The following MIGA1 variants were observed in gnomAD, a reference collection of about 807,000 sequenced individuals.
The protein encoded by MIGA1 is family with sequence similarity 73, member A.
MIGA1 carries 58 observed loss-of-function variants against 82.0 expected under a neutral mutation model. The observed-to-expected ratio is 0.71, with a 90% CI of 0.57 to 0.88. MIGA1 has a LOEUF of 0.88. Ranked by LOEUF, MIGA1 falls within the 40% of genes least tolerant of loss-of-function variation. The pLI, the probability that MIGA1 is intolerant of heterozygous loss-of-function variation, is 0.00. For missense variants in MIGA1, 751 were observed against 749.1 expected (o/e 1.00, Z -0.03); for synonymous variants, 249 against 253.6 (o/e 0.98, Z 0.17).
At chr1:77,789,432 A>G (rs1170182482) in intron 2 of MIGA1, among the ~76,000 whole-genome samples, 1 of 150,218 alleles carries the variant, frequency 6.7e-6, no homozygotes, top group Non-Finnish European at 1.5e-5. Flanking sequence ...CTGGTCTCAA[A>G]CTCCTGGATT....
intron 7 of MIGA1, among the ~76,000 whole-genome samples, chr1:77,831,515 A>C (rs1684243794): frequency 6.6e-6 from 1 of 151,914 alleles, no homozygotes; most frequent in Non-Finnish European, 1.5e-5. Context: ...TTTTGGTAAA[A>C]ATTAGGCTTC....
At chr1:77,846,266 A>G (rs1684836129) in intron 8 of MIGA1, among the ~76,000 whole-genome samples, 1 of 152,148 alleles carries the variant, frequency 6.6e-6, no homozygotes, top group Non-Finnish European at 1.5e-5. Context: ...TTCACTTAGC[A>G]TAATGTTTTC....
intron 8 of MIGA1, chr1:77,853,307 A>G (rs1451182537): frequency 6.6e-6 from 1 of 152,572 alleles, no homozygotes; most frequent in Non-Finnish European, 1.5e-5. Flanking sequence ...TTTAATAAAA[A>G]AATGTTTTGG....
intron 7 of MIGA1, among the ~76,000 whole-genome samples, chr1:77,817,626 A>G (rs1683621784): frequency 6.6e-6 from 1 of 152,208 alleles, no homozygotes; most frequent in African/African-American, 2.4e-5. Context: ...CTTCTGGATC[A>G]AAAGAGCTGA....
At position 77,860,092 on chromosome 1, in the gene MIGA1, A is replaced by C. The variant is rs781366971; in HGVS notation, c.1241A>C (p.Lys414Thr). ...ATATTCCTCGCTGAGAGCGGAAGGA[A>C]AATTTTATCAGCTTTAATTGTGAAA... The change falls in exon 11 of 16, where the codon AAA becomes ACA. Residue 414 changes from lysine (K) to threonine (T), a missense_variant. Physicochemically the swap from Lys to Thr is moderately conservative, Grantham distance 78 (BLOSUM62 -1). This residue lies in a region of MIGA1 where 265 missense variants were observed against 293.6 expected (regional missense o/e 0.90). Coordinates refer to ENST00000370791, the MANE Select transcript of MIGA1 (RefSeq NM_198549.4). The C allele has an allele frequency of 1.2e-6, 2 of 1,611,952 alleles. No individual in the cohort carries two copies. The highest frequency in any genetic ancestry group is 2.7e-5 in the African/African-American group (2 of 74,990).
At chr1:77,874,232 ACAGTGAGTTT>A (rs1313819424) in intron 15 of MIGA1, among the ~76,000 whole-genome samples, 2 of 152,172 alleles carry the variant, frequency 1.3e-5, no homozygotes, top group African/African-American at 2.4e-5. Context: ...CAGTTTGCTT[ACAGTGAGTTT>A]CAGTGTATAT....
chr1:77,830,465 A>G (rs1329568879), intron 7 of MIGA1, among the ~76,000 whole-genome samples: 1 of 152,196 alleles, frequency 6.6e-6, no homozygotes, highest in Non-Finnish European at 1.5e-5. Context: ...TTGTAATACC[A>G]GTAATTTGAC....
chr1:77,871,900 C>T (rs1646841276), intron 14 of MIGA1, among the ~76,000 whole-genome samples: 1 of 152,064 alleles, frequency 6.6e-6, no homozygotes, highest in African/African-American at 2.4e-5. Context: ...TCTTAATAAT[C>T]CCATAAAACT....
intron 7 of MIGA1, among the ~76,000 whole-genome samples, chr1:77,819,328 G>T (rs1030896639): frequency 6.6e-6 from 1 of 152,030 alleles, no homozygotes; most frequent in African/African-American, 2.4e-5. Flanking sequence ...TTGTCACCCA[G>T]GCTGGAGTGC....
intron 7 of MIGA1, among the ~76,000 whole-genome samples, chr1:77,838,579 C>G (rs778707881): frequency 2.2e-4 from 34 of 152,122 alleles, no homozygotes; most frequent in Admixed American, 7.2e-4. Context: ...TCCTAAGTAG[C>G]TGGGGTTACA....
chr1:77,851,586 A>G (rs1242009511), intron 8 of MIGA1, among the ~76,000 whole-genome samples: 1 of 152,210 alleles, frequency 6.6e-6, no homozygotes, highest in Non-Finnish European at 1.5e-5. Flanking sequence ...TTTTTGTTTA[A>G]AAAAGTTTAA....
chr1:77,869,276 C>A, intron 14 of MIGA1, among the ~76,000 whole-genome samples: 1 of 139,520 alleles, frequency 7.2e-6, no homozygotes, highest in Non-Finnish European at 1.5e-5. Context: ...CACAGATCAA[C>A]AGGATCCCAA....
chr1:77,843,511 C>T (rs1298821875), intron 8 of MIGA1, 104 bp downstream of exon 8: 10 of 829,696 alleles, frequency 1.2e-5, no homozygotes, highest in Admixed American at 4.3e-5. Context: ...TTATTTAGCA[C>T]GTACCATGTG....
chr1:77,779,917 T>A, intron 1 of MIGA1, 181 bp downstream of exon 1: 1 of 1,393,040 alleles, frequency 7.2e-7, no homozygotes, highest in Non-Finnish European at 9.3e-7. Flanking sequence ...CGTGCCACCC[T>A]GAACACCCCC....
chr1:77,828,934 C>G (rs1684134861), intron 7 of MIGA1, among the ~76,000 whole-genome samples: 1 of 152,194 alleles, frequency 6.6e-6, no homozygotes, highest in Non-Finnish European at 1.5e-5. Context: ...GCCTCAGCCT[C>G]CCAAAGTGCT....
chr1:77,835,109 C>T (rs1382657422), intron 7 of MIGA1, among the ~76,000 whole-genome samples: 2 of 152,034 alleles, frequency 1.3e-5, no homozygotes, highest in African/African-American at 2.4e-5. Flanking sequence ...TGTAGAAAAC[C>T]CACTTGGATT....
intron 2 of MIGA1, among the ~76,000 whole-genome samples, chr1:77,797,889 T>C (rs143639412): frequency 1.3e-5 from 2 of 152,212 alleles, no homozygotes; most frequent in Non-Finnish European, 2.9e-5. Context: ...CTGTATCATA[T>C]GTGAATAGTT....
chr1:77,850,299 C>T (rs1031406029), intron 8 of MIGA1, among the ~76,000 whole-genome samples: 7 of 152,120 alleles, frequency 4.6e-5, no homozygotes, highest in African/African-American at 1.4e-4. Context: ...TTCATTTCCA[C>T]AATGTGCTGT....
At chr1:77,847,314 G>A (rs944507315) in intron 8 of MIGA1, 1 of 916,140 alleles carries the variant, frequency 1.1e-6, no homozygotes, top group South Asian at 1.3e-5. Context: ...TGCAGAAAAT[G>A]CTACTGTGTA....
Sources: allele counts gnomAD v4.1 joint callset (sites outside exome capture counted in the v4.1 genomes callset), GRCh38; gene constraint gnomAD v4.1.1; regional missense constraint gnomAD v4.1.1; transcripts MANE v1.5; gene names NCBI Gene and HGNC (gene_info 2026-07-23, HGNC 2026-07-21).